SLK: variants seen among roughly 807,000 people sequenced by gnomAD.
SLK encodes the protein STE20-like serine/threonine-protein kinase.
In SLK, 67 loss-of-function variants were observed where a neutral mutation model predicts 147.7. That is an observed-to-expected ratio of 0.45 (90% CI 0.37 to 0.56). SLK has a LOEUF of 0.56. Ranked by LOEUF, SLK falls within the 20% of genes least tolerant of loss-of-function variation. The pLI is 0.00. For synonymous variants in SLK, 441 were observed against 475.0 expected, an observed-to-expected ratio of 0.93 and a Z score of 0.93; for missense variants, 1,136 against 1,438.8, an observed-to-expected ratio of 0.79 and a Z score of 3.41.
rs373573305 is a variant in SLK, at chr10:104,007,761, A to G, written c.2605-416A>G. 2.0e-4 allele frequency among the ~76,000 whole-genome samples: 31 copies of G among 151,682 alleles called. No individual in the cohort carries two copies. The Middle Eastern group carries it at 0.014, about 67-fold the overall frequency. ...GCCTAGGCAACATAGTGATAGCCCT[A>G]TCTCTCCAAATAAATAAATAAATAA... On this transcript the variant is annotated intron_variant, in intron 11 of 18. Transcript: ENST00000369755.
chr10:103,983,185 A>G (rs2476959), intron 1 of SLK, among the ~76,000 whole-genome samples: 32,442 of 152,048 alleles, frequency 0.21, 3,828 homozygotes, highest in African/African-American at 0.32. Context: ...ATGATGATGA[A>G]TGATTTTATT....
chr10:104,002,604 G>C lies in SLK; in HGVS notation c.1426G>C (p.Glu476Gln), dbSNP rs181201567. Residue 476 changes from glutamate to glutamine, a missense_variant, in exon 9 of 19, where the codon GAA becomes CAA. By Grantham distance (29) the Glu-to-Gln change is conservative. This residue lies in a region of SLK where 516 missense variants were observed against 531.3 expected (regional missense o/e 0.97). Coordinates refer to ENST00000369755, the MANE Select transcript of SLK (RefSeq NM_014720.4). Reference protein sequence around the residue: ...NLKSEEEKDQEKQQMFENKLI... With the variant: ...NLKSEEEKDQQKQQMFENKLI... Reference sequence around the variant, plus strand: ...AAAATCTGAGGAAGAAAAGGATCAGGAAAAGCAACAGATGTTTGAAAATAA... The same window carrying C: ...AAAATCTGAGGAAGAAAAGGATCAGCAAAAGCAACAGATGTTTGAAAATAA... 391 of 1,606,410 alleles carry C rather than the reference G, an allele frequency of 2.4e-4. 3 individuals carry two copies. The East Asian group carries it at 8.3e-3, about 34-fold the overall frequency.
intron 13 of SLK, among the ~76,000 whole-genome samples, chr10:104,013,657 C>G (rs1564662252): frequency 6.6e-6 from 1 of 152,212 alleles, no homozygotes; most frequent in South Asian, 2.1e-4. Flanking sequence ...ATGATTCAGT[C>G]TTTTCAGTTG....
At chr10:103,995,518 C>T (rs1456116191) in intron 4 of SLK, among the ~76,000 whole-genome samples, 1 of 150,360 alleles carries the variant, frequency 6.7e-6, no homozygotes, top group Non-Finnish European at 1.5e-5. Context: ...CCCCCACCTC[C>T]TGGGTTCAAG....
At chr10:103,989,593 C>T (rs1174261299) in intron 1 of SLK, among the ~76,000 whole-genome samples, 4 of 151,184 alleles carry the variant, frequency 2.6e-5, no homozygotes, top group African/African-American at 4.9e-5. Flanking sequence ...CTCAGCCTCC[C>T]GAGTAGCTGG....
chr10:103,971,325 A>G (rs943748025), intron 1 of SLK, among the ~76,000 whole-genome samples: 5 of 152,158 alleles, frequency 3.3e-5, no homozygotes, highest in African/African-American at 1.2e-4. Flanking sequence ...CCCAGGCTGC[A>G]GTGCTGTGGC....
At chr10:104,018,939 TG>T in intron 15 of SLK, 31 bp downstream of exon 15, 1 of 1,546,892 alleles carries the variant, frequency 6.5e-7, no homozygotes, top group Non-Finnish European at 8.7e-7. Context: ...TTCATTTTTT[TG>T]TTCGTTTTAA....
Position 103,967,718 on chromosome 10 carries a change from T to C in SLK, c.-28T>C, listed in dbSNP as rs1429257122. The C allele has an allele frequency of 1.1e-5, 18 of 1,611,930 alleles. No homozygotes were observed. The highest frequency in any genetic ancestry group is 1.5e-5 in the Non-Finnish European group (18 of 1,178,364). Reference sequence around the variant, plus strand: ...CCTTTTATTGTTTTTAGTCCTTAAGTGCAAGGAACTCTGTGTTGGGAGGAA... The same window carrying C: ...CCTTTTATTGTTTTTAGTCCTTAAGCGCAAGGAACTCTGTGTTGGGAGGAA... On this transcript the variant is annotated 5_prime_UTR_variant, in exon 1 of 19. Transcript: ENST00000369755.
intron 1 of SLK, among the ~76,000 whole-genome samples, chr10:103,987,714 C>T (rs777782525): frequency 9.9e-5 from 15 of 152,060 alleles, no homozygotes; most frequent in Non-Finnish European, 1.8e-4. Flanking sequence ...TGATTCCTAA[C>T]GTTAAAAATG....
At chr10:104,000,203 A>G (rs1844227468) in intron 7 of SLK, among the ~76,000 whole-genome samples, 1 of 152,176 alleles carries the variant, frequency 6.6e-6, no homozygotes, top group African/African-American at 2.4e-5. Flanking sequence ...ATGTCTCTCC[A>G]GTTACTAGAA....
chr10:103,978,202 C>G lies in SLK; in HGVS notation c.150+10307C>G, dbSNP rs549038137. On this transcript the variant is annotated intron_variant, in intron 1 of 18. Transcript: ENST00000369755. ...CACAATTTTAAAGTTTTAAACTTTCCTTCTTAGTTTTCTGTTTTCTACCAG... is the reference window on the plus strand; with the variant it reads ...CACAATTTTAAAGTTTTAAACTTTCGTTCTTAGTTTTCTGTTTTCTACCAG... Among the ~76,000 whole-genome samples the G allele has an allele frequency of 2.0e-5, 3 of 151,832 alleles. No homozygotes were observed. In the East Asian group the frequency reaches 5.8e-4, roughly 29 times the overall value.
intron 9 of SLK, among the ~76,000 whole-genome samples, chr10:104,005,007 T>C (rs1303266386): frequency 6.6e-6 from 1 of 152,138 alleles, no homozygotes; most frequent in African/African-American, 2.4e-5. Context: ...GTCGATATTA[T>C]TGTTACTGAT....
At chr10:103,968,838 G>C (rs1843754826) in intron 1 of SLK, among the ~76,000 whole-genome samples, 1 of 152,208 alleles carries the variant, frequency 6.6e-6, no homozygotes, top group Non-Finnish European at 1.5e-5. Flanking sequence ...ACATTTCACA[G>C]ATGAAGATAT....
At chr10:103,986,956 A>G (rs1009737620) in intron 1 of SLK, among the ~76,000 whole-genome samples, 5 of 152,188 alleles carry the variant, frequency 3.3e-5, no homozygotes, top group Non-Finnish European at 4.4e-5. Flanking sequence ...GATTACAGGC[A>G]TGAGCCACCA....
At chr10:103,995,638 C>G (rs974914230) in intron 4 of SLK, among the ~76,000 whole-genome samples, 8 of 151,848 alleles carry the variant, frequency 5.3e-5, no homozygotes, top group African/African-American at 1.7e-4. Flanking sequence ...GTTGACCGGG[C>G]TGGTCTGGAA....
rs764124311 is a variant in SLK, at chr10:103,990,693, A to C, written c.169A>C (p.Ser57Arg). ...KVYKAQNKET[S>R]VLAAAKVIDT... is the part of the protein sequence containing the mutation. Reference sequence around the variant, plus strand: ...TTTTCAGGCCCAGAATAAAGAGACCAGTGTTTTAGCTGCTGCAAAAGTGAT... The same window carrying C: ...TTTTCAGGCCCAGAATAAAGAGACCCGTGTTTTAGCTGCTGCAAAAGTGAT... Residue 57 changes from serine (S) to arginine (R), a missense_variant, in exon 2 of 19, where the codon AGT becomes CGT. By Grantham distance (110) the Ser-to-Arg change is moderately radical (BLOSUM62 -1). This residue lies in a region of SLK where 126 missense variants were observed against 141.3 expected (regional missense o/e 0.89). Transcript: ENST00000369755. The C allele has an allele frequency of 6.4e-7, 1 of 1,561,212 alleles. No individual in the cohort carries two copies. Among genetic ancestry groups the C allele is most frequent in the Admixed American group, 2.0e-5 (1 of 50,718 alleles).
Position 103,998,895 on chromosome 10 carries a change from CA to C in SLK, c.515-2del. On this transcript the variant is annotated splice_region_variant and splice_polypyrimidine_tract_variant and intron_variant, in intron 4 of 18. Coordinates refer to ENST00000369755, the MANE Select transcript of SLK (RefSeq NM_014720.4). Reference sequence around the variant, plus strand: ...CATTAATGCTTTTGTGTGATTATTTCAAGCGGATTTTGGAGTATCAGCTAAA... The same window carrying C: ...CATTAATGCTTTTGTGTGATTATTTCAGCGGATTTTGGAGTATCAGCTAAA... The C allele has an allele frequency of 1.2e-6, 2 of 1,605,382 alleles. No homozygotes were observed. The highest frequency in any genetic ancestry group is 8.5e-7 in the Non-Finnish European group (1 of 1,172,530).
chr10:104,021,473 A>T, intron 17 of SLK, 147 bp from the exon 18 acceptor site: 1 of 544,220 alleles, frequency 1.8e-6, no homozygotes. Flanking sequence ...TTCCTAATTC[A>T]TGGCCCTTGG....
At chr10:103,969,216 G>T (rs186048260) in intron 1 of SLK, among the ~76,000 whole-genome samples, 2 of 152,186 alleles carry the variant, frequency 1.3e-5, no homozygotes, top group East Asian at 3.9e-4. Flanking sequence ...TGATCCGCCC[G>T]CCTCGGCCTC....
Sources: gnomAD v4.1 joint callset for allele counts (sites outside exome capture counted in the v4.1 genomes callset) on GRCh38, gnomAD v4.1.1 for gene constraint, gnomAD v4.1.1 regional missense constraint, MANE v1.5 for transcripts, NCBI Gene and HGNC (gene_info 2026-07-23, HGNC 2026-07-21) for gene names.